The following MED27 variants were observed in gnomAD, a reference collection of about 807,000 sequenced individuals.
MED27 encodes mediator of RNA polymerase II transcription subunit 27.
Under a neutral mutation model 38.2 loss-of-function variants are expected in MED27, and 30 were observed. The observed-to-expected ratio is 0.79, with a 90% CI of 0.59 to 1.07. MED27 has a LOEUF of 1.07. Among genes scored for constraint, MED27 ranks in the 50% least tolerant of loss-of-function variants. The probability of loss-of-function intolerance (pLI) is 0.00; values close to 1 mark genes in which losing one functional copy is unlikely to be tolerated. For missense variants in MED27, 289 were observed against 397.5 expected, an observed-to-expected ratio of 0.73 and a Z score of 2.32; for synonymous variants, 122 against 153.5, an observed-to-expected ratio of 0.79 and a Z score of 1.52.
At chr9:131,991,213 A>G (rs980900762) in intron 3 of MED27, among the ~76,000 whole-genome samples, 3 of 152,236 alleles carry the variant, frequency 2.0e-5, no homozygotes, top group African/African-American at 7.2e-5. Context: ...TGCAAGTGCC[A>G]TCAGGGACCT....
At chr9:131,887,681 CA>C (rs1204694565) in intron 5 of MED27, among the ~76,000 whole-genome samples, 1 of 152,052 alleles carries the variant, frequency 6.6e-6, no homozygotes, top group Admixed American at 6.6e-5. Context: ...CTGCAATATT[CA>C]AAAAAGGAGC....
chr9:131,980,551 AAAT>A (rs1317396363), intron 3 of MED27, among the ~76,000 whole-genome samples: 1 of 152,228 alleles, frequency 6.6e-6, no homozygotes, highest in African/African-American at 2.4e-5. Flanking sequence ...AAGGGGTACA[AAAT>A]AATACATCAC....
chr9:131,873,598 C>T (rs542819658), intron 6 of MED27, among the ~76,000 whole-genome samples: 17 of 152,306 alleles, frequency 1.1e-4, no homozygotes, highest in African/African-American at 4.1e-4. Context: ...TCAATATTTC[C>T]TCCTCTGCTT....
At chr9:132,075,439 G>A (rs1834025343) in intron 2 of MED27, among the ~76,000 whole-genome samples, 1 of 152,182 alleles carries the variant, frequency 6.6e-6, no homozygotes, top group Non-Finnish European at 1.5e-5. Flanking sequence ...GCTCATATGA[G>A]ATTTATAATC....
intron 4 of MED27, among the ~76,000 whole-genome samples, chr9:131,922,021 C>A (rs1419682372): frequency 1.1e-5 from 1 of 88,030 alleles, no homozygotes; most frequent in South Asian, 3.4e-4. Flanking sequence ...CGGGGCCTGT[C>A]ATGGGGAGGG....
chr9:131,874,423 A>G (rs1838891394), intron 6 of MED27, among the ~76,000 whole-genome samples: 1 of 152,190 alleles, frequency 6.6e-6, no homozygotes, highest in African/African-American at 2.4e-5. Context: ...AGGGCCTCCG[A>G]GAGGACTGTG....
intron 3 of MED27, among the ~76,000 whole-genome samples, chr9:131,971,006 T>C (rs1831464251): frequency 6.6e-6 from 1 of 152,248 alleles, no homozygotes; most frequent in South Asian, 2.1e-4. Flanking sequence ...GTCCTTATTT[T>C]GCAGAAACAA....
intron 3 of MED27, among the ~76,000 whole-genome samples, chr9:132,005,537 T>C (rs1163170716): frequency 6.6e-6 from 1 of 152,214 alleles, no homozygotes; most frequent in African/African-American, 2.4e-5. Context: ...TATAAAACTT[T>C]GGCAGGTATC....
intron 5 of MED27, among the ~76,000 whole-genome samples, chr9:131,892,229 G>C (rs1056783559): frequency 6.6e-6 from 1 of 152,054 alleles, no homozygotes; most frequent in Non-Finnish European, 1.5e-5. Flanking sequence ...GAGGAGGGGC[G>C]ATCAGAGGTG....
intron 4 of MED27, among the ~76,000 whole-genome samples, chr9:131,901,442 C>G (rs1183676561): frequency 6.6e-6 from 1 of 152,162 alleles, no homozygotes; most frequent in Non-Finnish European, 1.5e-5. Flanking sequence ...GTGGCTCCTA[C>G]CTTAAAGAAG....
chr9:131,981,669 G>A (rs150898905), intron 3 of MED27, among the ~76,000 whole-genome samples: 160 of 152,260 alleles, frequency 1.1e-3, no homozygotes, highest in African/African-American at 3.5e-3. Context: ...AACTTACCAC[G>A]TCAACACAAT....
intron 4 of MED27, among the ~76,000 whole-genome samples, chr9:131,895,137 A>G (rs1176473896): frequency 1.3e-5 from 2 of 152,016 alleles, no homozygotes; most frequent in African/African-American, 4.8e-5. Context: ...CCTATAAACT[A>G]CCCAGCTTCA....
Position 131,919,356 on chromosome 9 carries a change from C to A in MED27, c.573+20025G>T, listed in dbSNP as rs1463779813. ...TGGGTCCTGAGTTCACCTTTGGCTA[C>A]AGGGAGGTTGGAGACTCTAGGGAGC... On this transcript the variant is annotated intron_variant, in intron 4 of 7. Coordinates refer to ENST00000292035, the MANE Select transcript of MED27 (RefSeq NM_004269.4). Among the ~76,000 whole-genome samples, 15 of 152,104 alleles carry A rather than the reference C, an allele frequency of 9.9e-5. 1 individual carries two copies. The highest frequency in any genetic ancestry group is 9.8e-4 in the Admixed American group (15 of 15,258).
intron 2 of MED27, among the ~76,000 whole-genome samples, chr9:132,030,704 C>G (rs1832940773): frequency 6.6e-6 from 1 of 152,196 alleles, no homozygotes. Context: ...TACAAAGATG[C>G]TATAGACCTA....
At chr9:131,918,865 C>T (rs756786221) in intron 4 of MED27, among the ~76,000 whole-genome samples, 25 of 152,148 alleles carry the variant, frequency 1.6e-4, no homozygotes, top group South Asian at 1.0e-3. Context: ...CTACGGAGAA[C>T]GGCCTCCCAG....
At chr9:131,963,845 C>T (rs1239156958) in intron 3 of MED27, among the ~76,000 whole-genome samples, 1 of 152,132 alleles carries the variant, frequency 6.6e-6, no homozygotes, top group African/African-American at 2.4e-5. Context: ...ACCCTGACAA[C>T]CCGGAGAAAA....
At chr9:131,966,788 C>G (rs542892051) in intron 3 of MED27, among the ~76,000 whole-genome samples, 14 of 152,324 alleles carry the variant, frequency 9.2e-5, no homozygotes, top group Admixed American at 7.2e-4. Flanking sequence ...CTTAACCTCT[C>G]TGTGCTTCAG....
At chr9:131,967,656 T>C (rs907648142) in intron 3 of MED27, among the ~76,000 whole-genome samples, 11 of 151,354 alleles carry the variant, frequency 7.3e-5, no homozygotes, top group Admixed American at 2.0e-4. Context: ...CAAGCCCAGC[T>C]AATTTTGTAT....
chr9:131,955,088 T>A (rs1287786851), intron 3 of MED27, among the ~76,000 whole-genome samples: 1 of 152,038 alleles, frequency 6.6e-6, no homozygotes, highest in African/African-American at 2.4e-5. Flanking sequence ...CAGAATATGT[T>A]CTCTGACCAC....
Sources: gnomAD v4.1 joint callset for allele counts (sites outside exome capture counted in the v4.1 genomes callset) on GRCh38, gnomAD v4.1.1 for gene constraint, MANE v1.5 for transcripts, NCBI Gene and HGNC (gene_info 2026-07-23, HGNC 2026-07-21) for gene names.